The following BANP variants were observed in gnomAD, a reference collection of about 807,000 sequenced individuals.
The protein encoded by BANP is BTG3 associated nuclear protein.
Under a neutral mutation model 68.1 loss-of-function variants are expected in BANP, and 11 were observed. The ratio of observed to expected loss-of-function variants is 0.16; its 90% CI spans 0.10 to 0.27. BANP has a LOEUF of 0.27. BANP is among the 10% of genes least tolerant of loss of function. BANP has a pLI of 1.00. For missense variants in BANP, 504 were observed against 722.7 expected (o/e 0.70, Z 3.47); for synonymous variants, 329 against 303.2 (o/e 1.09, Z -0.88).
intron 1 of BANP, among the ~76,000 whole-genome samples, chr16:87,970,957 CA>C (rs2060994648): frequency 6.7e-6 from 1 of 148,998 alleles, no homozygotes; most frequent in African/African-American, 2.5e-5. Context: ...GCGGAGGTTT[CA>C]GTGAGCCGAG....
intron 1 of BANP, among the ~76,000 whole-genome samples, chr16:87,959,444 A>C (rs1472889876): frequency 6.6e-6 from 1 of 152,182 alleles, no homozygotes; most frequent in African/African-American, 2.4e-5. Flanking sequence ...GTAGAGAGGC[A>C]GTGGCTGGAT....
At chr16:88,043,644 G>C (rs550470086) in intron 11 of BANP, among the ~76,000 whole-genome samples, 4 of 152,256 alleles carry the variant, frequency 2.6e-5, no homozygotes, top group African/African-American at 9.6e-5. Context: ...TTGAGTAGAG[G>C]ACAGGCCTTG....
At chr16:87,980,227 T>C (rs2062989524) in intron 2 of BANP, among the ~76,000 whole-genome samples, 1 of 152,212 alleles carries the variant, frequency 6.6e-6, no homozygotes, top group South Asian at 2.1e-4. Context: ...TATCTATAAC[T>C]GCAAATGTGT....
rs2077208185 is a variant in BANP, at chr16:88,027,381, C to T, written c.896-102C>T. ...GGGCCGGCCTGGCGGGCTGGGGTGC[C>T]TGGGTGAGGCCTCTTCAGCGGGCCC... is the stretch of plus-strand genomic sequence containing the variant. On this transcript the variant is annotated intron_variant, in intron 7 of 13. Transcript: ENST00000682872. 5 of 1,353,826 alleles carry T rather than the reference C, an allele frequency of 3.7e-6. 1 individual carries two copies. In the South Asian group the frequency reaches 3.9e-5, roughly 10 times the overall value. 83.9% of individuals were successfully genotyped at this position (1,353,826 alleles called of 1,614,324 possible). A position where few individuals can be genotyped will look rare whatever the true frequency, so the allele number is the denominator to read the frequency against.
intron 1 of BANP, among the ~76,000 whole-genome samples, chr16:87,951,861 G>A (rs1368715627): frequency 6.6e-6 from 1 of 152,090 alleles, no homozygotes; most frequent in African/African-American, 2.4e-5. Flanking sequence ...GCCACGGCGG[G>A]GAGACTGGAA....
chr16:87,963,555 C>G (rs945900338), intron 1 of BANP: 17 of 152,340 alleles, frequency 1.1e-4, no homozygotes, highest in African/African-American at 4.1e-4. Flanking sequence ...TGTTCCACTT[C>G]CTGTGGAAAT....
intron 6 of BANP, among the ~76,000 whole-genome samples, chr16:88,016,597 C>T (rs974468668): frequency 5.3e-5 from 8 of 152,198 alleles, no homozygotes; most frequent in South Asian, 2.1e-4. Flanking sequence ...TTGGGTGTCC[C>T]GTAAGGATTC....
At chr16:88,069,336 T>C (rs566096179) in intron 12 of BANP, among the ~76,000 whole-genome samples, 157 of 152,330 alleles carry the variant, frequency 1.0e-3, no homozygotes, top group South Asian at 1.9e-3. Context: ...AAATTCATTG[T>C]TAAAAAAATA....
In BANP at chr16:88,003,840, C is replaced by G; in HGVS notation, c.363-455C>G. On this transcript the variant is annotated intron_variant, in intron 4 of 13. Transcript: ENST00000682872. This position sits in a 1 kb window ranked among gnomAD's most constrained non-coding sequence, Gnocchi z 6.1. ...CTACCGTTTTGGAATGATACCAACA[C>G]TTACGTGGTTACGAACGTTAGATCT... 1 of 302,770 alleles carries G rather than the reference C, an allele frequency of 3.3e-6. No homozygotes were observed. Among genetic ancestry groups the G allele is most frequent in the Non-Finnish European group, 6.4e-6 (1 of 155,408 alleles). 18.8% of individuals were successfully genotyped at this position (302,770 alleles called of 1,614,324 possible).
intron 4 of BANP, among the ~76,000 whole-genome samples, chr16:87,993,553 T>A (rs1423601309): frequency 6.6e-6 from 1 of 152,098 alleles, no homozygotes; most frequent in Non-Finnish European, 1.5e-5. Context: ...TGACATTCCC[T>A]CCATTCCCTC....
intron 12 of BANP, among the ~76,000 whole-genome samples, chr16:88,070,493 C>T (rs2090028149): frequency 6.6e-6 from 1 of 152,222 alleles, no homozygotes; most frequent in Non-Finnish European, 1.5e-5. Flanking sequence ...TCCTTAGGTT[C>T]ATTCTGATGG....
intron 11 of BANP, among the ~76,000 whole-genome samples, chr16:88,062,293 C>G (rs1040427052): frequency 1.3e-5 from 2 of 152,182 alleles, no homozygotes; most frequent in African/African-American, 4.8e-5. Flanking sequence ...CCTTGGGCTT[C>G]TTGCGTTGAC....
intron 1 of BANP, among the ~76,000 whole-genome samples, chr16:87,955,257 G>T (rs569182704): frequency 6.6e-6 from 1 of 152,216 alleles, no homozygotes; most frequent in Non-Finnish European, 1.5e-5. Flanking sequence ...CCAGCCGAGC[G>T]TCCAGGGGCC....
chr16:87,963,845 CT>C (rs1202410161), intron 1 of BANP, among the ~76,000 whole-genome samples: 1 of 152,192 alleles, frequency 6.6e-6, no homozygotes, highest in African/African-American at 2.4e-5. Flanking sequence ...TTAACTTTGA[CT>C]GTTAAAGCCA....
chr16:87,996,666 A>C (rs1006790302), intron 4 of BANP, among the ~76,000 whole-genome samples: 10 of 149,602 alleles, frequency 6.7e-5, no homozygotes, highest in Non-Finnish European at 1.5e-4. Context: ...TCTGGTTCTG[A>C]GTGTTGCTGG....
At chr16:88,037,757 G>T (rs888702132) in intron 10 of BANP, 5 of 594,736 alleles carry the variant, frequency 8.4e-6, no homozygotes, top group Admixed American at 3.0e-5. Context: ...AATGCTTTTT[G>T]AGTTGTTTGT....
At chr16:88,001,817 C>T (rs1346438584) in intron 4 of BANP, among the ~76,000 whole-genome samples, 1 of 151,768 alleles carries the variant, frequency 6.6e-6, no homozygotes, top group Non-Finnish European at 1.5e-5. Context: ...AAAATTTTAT[C>T]CTGTTAGCCT....
At chr16:88,023,102 C>T (rs2076320569) in intron 7 of BANP, among the ~76,000 whole-genome samples, 1 of 152,136 alleles carries the variant, frequency 6.6e-6, no homozygotes, top group Non-Finnish European at 1.5e-5. Flanking sequence ...ATGTGGACTC[C>T]ATGCAGGGGT....
chr16:87,993,850 C>G (rs1340345228), intron 4 of BANP, among the ~76,000 whole-genome samples: 1 of 152,194 alleles, frequency 6.6e-6, no homozygotes, highest in Non-Finnish European at 1.5e-5. Context: ...ATCCGCCTGC[C>G]TTGGCCTCCC....
Sources: gnomAD v4.1 joint callset for allele counts (sites outside exome capture counted in the v4.1 genomes callset) on GRCh38, gnomAD v4.1.1 for gene constraint, Gnocchi (gnomAD v3.1) non-coding constraint, MANE v1.5 for transcripts, NCBI Gene and HGNC (gene_info 2026-07-23, HGNC 2026-07-21) for gene names.